FRMD4A: variants seen among roughly 807,000 people sequenced by gnomAD.
FRMD4A encodes the protein FERM domain-containing protein 4A.
Under a neutral mutation model 129.1 loss-of-function variants are expected in FRMD4A, and 29 were observed. That is an observed-to-expected ratio of 0.22 (90% confidence interval 0.17 to 0.31). FRMD4A has a LOEUF of 0.31. Ranked by LOEUF, FRMD4A falls within the 10% of genes least tolerant of loss-of-function variation. The probability of loss-of-function intolerance (pLI) is 1.00; values close to 1 mark genes in which losing one functional copy is unlikely to be tolerated. For synonymous variants in FRMD4A, 634 were observed against 571.6 expected (o/e 1.11, Z -1.56); for missense variants, 1,272 against 1,375.8 (o/e 0.92, Z 1.19).
intron 3 of FRMD4A, among the ~76,000 whole-genome samples, chr10:13,853,892 T>G (rs532996336): frequency 6.8e-6 from 1 of 147,410 alleles, no homozygotes; most frequent in African/African-American, 2.5e-5. Context: ...CGGCCAACCA[T>G]TCATCTAAAG....
At chr10:14,017,543 C>T (rs2447021) in intron 2 of FRMD4A, among the ~76,000 whole-genome samples, 45,055 of 152,080 alleles carry the variant, frequency 0.3, 8,660 homozygotes, top group African/African-American at 0.55. Context: ...GATTGGGTGG[C>T]GAATGATCAA....
At chr10:13,896,169 G>A (rs549148438) in intron 2 of FRMD4A, among the ~76,000 whole-genome samples, 1 of 152,104 alleles carries the variant, frequency 6.6e-6, no homozygotes, top group Non-Finnish European at 1.5e-5. Flanking sequence ...CCATTACTTG[G>A]TATATACCCA....
chr10:14,035,625 G>A (rs1207539879), intron 2 of FRMD4A, among the ~76,000 whole-genome samples: 2 of 152,086 alleles, frequency 1.3e-5, no homozygotes, highest in Admixed American at 6.5e-5. Flanking sequence ...GCGTACCCAC[G>A]AGGATTTTAT....
chr10:14,034,405 G>A (rs770942328), intron 2 of FRMD4A, among the ~76,000 whole-genome samples: 4 of 152,070 alleles, frequency 2.6e-5, no homozygotes, highest in Non-Finnish European at 4.4e-5. Context: ...ACCCACACTC[G>A]AGTTCCAGAA....
At chr10:13,763,089 T>G (rs2092140714) in intron 6 of FRMD4A, among the ~76,000 whole-genome samples, 1 of 152,148 alleles carries the variant, frequency 6.6e-6, no homozygotes, top group Non-Finnish European at 1.5e-5. Context: ...AATTATTCAG[T>G]CCTAAACACT....
chr10:14,153,341 T>G (rs1036666420), intron 2 of FRMD4A, among the ~76,000 whole-genome samples: 1 of 152,204 alleles, frequency 6.6e-6, no homozygotes, highest in African/African-American at 2.4e-5. Context: ...ATTTTTCTGA[T>G]GAAGCCAGGA....
intron 2 of FRMD4A, among the ~76,000 whole-genome samples, chr10:14,070,155 CCT>C (rs1271041385): frequency 1.3e-5 from 2 of 152,172 alleles, no homozygotes; most frequent in Non-Finnish European, 2.9e-5. Flanking sequence ...GCATTCTCCA[CCT>C]CTCTCTGAGT....
At chr10:14,126,265 G>A (rs939538714) in intron 2 of FRMD4A, among the ~76,000 whole-genome samples, 4 of 149,380 alleles carry the variant, frequency 2.7e-5, no homozygotes, top group Non-Finnish European at 5.9e-5. Flanking sequence ...CTGCCTCAAG[G>A]GTTCAAGCAA....
chr10:14,004,482 C>T (rs1186927565), intron 2 of FRMD4A, among the ~76,000 whole-genome samples: 2 of 152,068 alleles, frequency 1.3e-5, no homozygotes, highest in Admixed American at 6.5e-5. Flanking sequence ...GTGGAGGTTG[C>T]AGTGAGCCAA....
intron 10 of FRMD4A, 76 bp from the exon 11 acceptor site, chr10:13,740,327 A>G: frequency 9.6e-7 from 1 of 1,043,746 alleles, no homozygotes; most frequent in Non-Finnish European, 1.5e-6. Flanking sequence ...ATCTGGTATC[A>G]TATATATATT....
At chr10:13,941,433 C>G (rs144756226) in intron 2 of FRMD4A, among the ~76,000 whole-genome samples, 1 of 152,124 alleles carries the variant, frequency 6.6e-6, no homozygotes, top group Admixed American at 6.5e-5. Context: ...TTATCAGCAG[C>G]GTGTAAACGG....
chr10:14,164,558 G>A (rs1841074825), intron 2 of FRMD4A, among the ~76,000 whole-genome samples: 1 of 152,174 alleles, frequency 6.6e-6, no homozygotes, highest in Non-Finnish European at 1.5e-5. Context: ...AGTAAGGTGA[G>A]GTGGGACTCA....
At position 13,926,798 on chromosome 10, in the gene FRMD4A, A is replaced by G. The variant is rs182146621; in HGVS notation, c.46-67886T>C. On this transcript the variant is annotated intron_variant, in intron 2 of 24. Transcript: ENST00000357447. The stretch of plus-strand genomic sequence containing the variant: ...GAATGAACAGAGCCAAGACGCCTAA[A>G]AGACCCACATACTTTTAGAGCAGAA... Among the ~76,000 whole-genome samples, 3 of 152,354 alleles carry G rather than the reference A, an allele frequency of 2.0e-5. No individual in the cohort carries two copies. In the East Asian group the frequency reaches 5.8e-4, roughly 29 times the overall value.
intron 2 of FRMD4A, among the ~76,000 whole-genome samples, chr10:14,185,922 A>C (rs573001096): frequency 6.6e-6 from 1 of 152,338 alleles, no homozygotes; most frequent in South Asian, 2.1e-4. Flanking sequence ...CAGGAACTGC[A>C]AAGATGGCAG....
At chr10:13,831,110 A>C (rs1433853479) in intron 3 of FRMD4A, among the ~76,000 whole-genome samples, 1 of 152,018 alleles carries the variant, frequency 6.6e-6, no homozygotes, top group Non-Finnish European at 1.5e-5. Flanking sequence ...TTTAGAAATC[A>C]CTCCAGACCT....
At chr10:14,173,007 G>A (rs1841553426) in intron 2 of FRMD4A, among the ~76,000 whole-genome samples, 1 of 151,924 alleles carries the variant, frequency 6.6e-6, no homozygotes, top group Admixed American at 6.6e-5. Flanking sequence ...AAATATCATG[G>A]TCAGGCTCAT....
At chr10:14,116,776 C>G (rs538373339) in intron 2 of FRMD4A, among the ~76,000 whole-genome samples, 3 of 152,364 alleles carry the variant, frequency 2.0e-5, no homozygotes, top group Admixed American at 2.0e-4. Flanking sequence ...TTATCTTCAC[C>G]TGCCATAATT....
intron 17 of FRMD4A, among the ~76,000 whole-genome samples, chr10:13,669,049 G>A (rs1353452775): frequency 1.4e-5 from 2 of 140,996 alleles, no homozygotes; most frequent in East Asian, 4.5e-4. Context: ...CTGCCTAACT[G>A]AGCTTTAGTT....
chr10:14,139,703 G>A (rs139445852), intron 2 of FRMD4A, among the ~76,000 whole-genome samples: 110 of 152,216 alleles, frequency 7.2e-4, no homozygotes, highest in African/African-American at 2.5e-3. Flanking sequence ...TCCCACTTCA[G>A]CCTCTCAGAC....
Sources: allele counts gnomAD v4.1 joint callset (sites outside exome capture counted in the v4.1 genomes callset), GRCh38; gene constraint gnomAD v4.1.1; transcripts MANE v1.5; gene names NCBI Gene and HGNC (gene_info 2026-07-23, HGNC 2026-07-21).